ISY1: variants seen among roughly 807,000 people sequenced by gnomAD.
The protein encoded by ISY1 is pre-mRNA-splicing factor ISY1 homolog.
Under a neutral mutation model 54.4 loss-of-function variants are expected in ISY1, and 12 were observed. That is an observed-to-expected ratio of 0.22 (90% confidence interval 0.14 to 0.36). The LOEUF (loss-of-function observed/expected upper bound fraction) is 0.36. Ranked by LOEUF, ISY1 falls within the 10% of genes least tolerant of loss-of-function variation. ISY1 has a pLI of 1.00. For missense variants in ISY1, 282 were observed against 342.2 expected (o/e 0.82, Z 1.39); for synonymous variants, 96 against 117.9 (o/e 0.81, Z 1.20).
At chr3:129,159,814 T>C (rs1937250604) in intron 1 of ISY1, among the ~76,000 whole-genome samples, 1 of 152,170 alleles carries the variant, frequency 6.6e-6, no homozygotes, top group Non-Finnish European at 1.5e-5. Context: ...ACAATAGAGA[T>C]CATACCTCAT....
At chr3:129,156,353 C>A (rs1267779226) in intron 5 of ISY1, among the ~76,000 whole-genome samples, 1 of 147,542 alleles carries the variant, frequency 6.8e-6, no homozygotes, top group African/African-American at 2.5e-5. Flanking sequence ...GAGCCGAGAT[C>A]GCACCACTGC....
intron 6 of ISY1, 75 bp downstream of exon 6, chr3:129,145,686 T>C (rs1251917542): frequency 2.1e-6 from 3 of 1,432,972 alleles, no homozygotes; most frequent in Non-Finnish European, 2.9e-6. Flanking sequence ...GCGACTACTA[T>C]GGCAAGAATG....
chr3:129,147,147 G>T (rs937617308), intron 5 of ISY1, among the ~76,000 whole-genome samples: 2 of 151,990 alleles, frequency 1.3e-5, no homozygotes, highest in Non-Finnish European at 2.9e-5. Flanking sequence ...GGCAGAGGAG[G>T]GCAGATCACT....
rs763997533 is a variant in ISY1 at position 129,134,103 on chromosome 3, TCTCTTCCTC to T, written c.625_633del (p.Glu209_Glu211del). On this transcript the variant is annotated inframe_deletion, in exon 9 of 11. Coordinates refer to ENST00000393295, the MANE Select transcript of ISY1 (RefSeq NM_020701.4). ...TCCTCGGTGACTGCATAGATGTTGA[TCTCTTCCTC>T]CTCTTCCTCCTCCTCTTCCTTTTCT... 33 of 1,614,054 alleles carry T rather than the reference TCTCTTCCTC, an allele frequency of 2.0e-5. No homozygotes were observed. The highest frequency in any genetic ancestry group is 3.3e-5 in the Admixed American group (2 of 60,002).
At chr3:129,135,065 C>T in intron 7 of ISY1, 111 bp from the exon 8 acceptor site, 1 of 1,380,726 alleles carries the variant, frequency 7.2e-7, no homozygotes, top group Non-Finnish European at 9.5e-7. Flanking sequence ...CATGAAAATA[C>T]CAGGTGGGCG....
intron 9 of ISY1, 30 bp from the exon 10 acceptor site, chr3:129,130,666 G>C (rs1439799727): frequency 6.2e-7 from 1 of 1,612,704 alleles, no homozygotes; most frequent in Admixed American, 1.7e-5. Context: ...AAGTCCATCA[G>C]TAGGCGCCCA....
At chr3:129,143,151 T>G (rs1936670943) in intron 6 of ISY1, among the ~76,000 whole-genome samples, 1 of 152,122 alleles carries the variant, frequency 6.6e-6, no homozygotes, top group Non-Finnish European at 1.5e-5. Flanking sequence ...GAGTCAAGGC[T>G]GCAGTGAGCC....
chr3:129,160,857 T>C, intron 1 of ISY1, 116 bp downstream of exon 1: 2 of 1,310,116 alleles, frequency 1.5e-6, no homozygotes, highest in Non-Finnish European at 2.1e-6. Flanking sequence ...CCAAGGAACT[T>C]GAAGCCCTCA....
At chr3:129,142,773 G>A (rs1193936551) in intron 6 of ISY1, among the ~76,000 whole-genome samples, 1 of 152,096 alleles carries the variant, frequency 6.6e-6, no homozygotes, top group Non-Finnish European at 1.5e-5. Context: ...AGCTGGGCAT[G>A]GCCAGGCACG....
chr3:129,149,973 C>CAAA (rs200338338), intron 5 of ISY1, among the ~76,000 whole-genome samples: 102 of 90,774 alleles, frequency 1.1e-3, no homozygotes, highest in Middle Eastern at 7.5e-3. Context: ...GGCTCTATCT[C>CAAA]AAAAAAAAAA....
At chr3:129,156,808 T>C in intron 4 of ISY1, 47 bp downstream of exon 4, 2 of 1,595,196 alleles carry the variant, frequency 1.3e-6, no homozygotes, top group African/African-American at 1.4e-5. Flanking sequence ...TAAGAAGAAA[T>C]GAGAGACTTG....
At chr3:129,148,280 C>T (rs1375259135) in intron 5 of ISY1, among the ~76,000 whole-genome samples, 1 of 152,148 alleles carries the variant, frequency 6.6e-6, no homozygotes, top group Non-Finnish European at 1.5e-5. Context: ...AAAAGTATTA[C>T]ATTTCTCTTG....
chr3:129,156,755 T>C (rs1444593069), intron 4 of ISY1, 80 bp from the exon 5 acceptor site: 3 of 1,558,436 alleles, frequency 1.9e-6, no homozygotes, highest in African/African-American at 1.4e-5. Context: ...AAAATTAGTA[T>C]TTAAAAATAC....
At chr3:129,135,068 G>C (rs1936351176) in intron 7 of ISY1, 114 bp from the exon 8 acceptor site, 1 of 1,365,494 alleles carries the variant, frequency 7.3e-7, no homozygotes, top group East Asian at 2.9e-5. Context: ...GAAAATACCA[G>C]GTGGGCGCAG....
chr3:129,161,009 G>A lies in ISY1; in HGVS notation c.-34C>T, dbSNP rs779445310. ...TAAGGGCGCCGTCCTGGAGCCCCGC[G>A]GCCCCTGTCCAAGAAACTCCACAGG... is the stretch of plus-strand genomic sequence containing the variant. On this transcript the variant is annotated 5_prime_UTR_variant, in exon 1 of 11. Transcript: ENST00000393295. 10 of 1,494,014 alleles carry A rather than the reference G, an allele frequency of 6.7e-6. No homozygotes were observed. Among genetic ancestry groups the A allele is most frequent in the South Asian group, 6.0e-5 (5 of 83,234 alleles). 92.5% of individuals were successfully genotyped at this position (1,494,014 alleles called of 1,614,324 possible).
At chr3:129,130,527 G>A (rs1169476073) in intron 10 of ISY1, 23 bp downstream of exon 10, 3 of 1,611,636 alleles carry the variant, frequency 1.9e-6, no homozygotes, top group Non-Finnish European at 1.7e-6. Context: ...CGGCGCCCAG[G>A]CAGCTCTTAG....
At chr3:129,143,357 T>A (rs912583864) in intron 6 of ISY1, among the ~76,000 whole-genome samples, 3 of 151,466 alleles carry the variant, frequency 2.0e-5, no homozygotes, top group African/African-American at 7.3e-5. Context: ...AATATAAAAA[T>A]TAGCCAGGTG....
intron 9 of ISY1, among the ~76,000 whole-genome samples, chr3:129,132,632 GAGGGACTGTTGCTC>G (rs1439158067): frequency 3.3e-5 from 5 of 152,154 alleles, no homozygotes; most frequent in Non-Finnish European, 5.9e-5. Flanking sequence ...AGGCTCTATT[GAGGGACTGTTGCTC>G]ACTGTCTCTC....
At position 129,128,011 on chromosome 3, in the gene ISY1, T is replaced by C. The variant is rs1936135103; in HGVS notation, c.*2070A>G. ...CGCACGCTCCCAAGAGGCTCAGACC[T>C]GGGTCAGTCTGTCCCTAGGGCCCTC... On this transcript the variant is annotated 3_prime_UTR_variant, in exon 11 of 11. Transcript: ENST00000393295. 1.3e-5 allele frequency: 2 copies of C among 152,382 alleles called. No homozygotes were observed. The highest frequency in any genetic ancestry group is 1.3e-4 in the Admixed American group (2 of 15,280). 9.4% of individuals were successfully genotyped at this position (152,382 alleles called of 1,614,324 possible). A position where few individuals can be genotyped will look rare whatever the true frequency, so the allele number is the denominator to read the frequency against.
Sources: gnomAD v4.1 joint callset for allele counts (sites outside exome capture counted in the v4.1 genomes callset) on GRCh38, gnomAD v4.1.1 for gene constraint, MANE v1.5 for transcripts, NCBI Gene and HGNC (gene_info 2026-07-23, HGNC 2026-07-21) for gene names.